The following CACNA2D1 variants were observed in gnomAD, a reference collection of about 807,000 sequenced individuals.
CACNA2D1 encodes the protein calcium voltage-gated channel auxiliary subunit alpha2delta 1, also known as voltage-dependent calcium channel subunit alpha-2/delta-1.
In CACNA2D1, 53 loss-of-function variants were observed where a neutral mutation model predicts 171.5. The observed-to-expected ratio is 0.31, with a 90% CI of 0.25 to 0.39. The LOEUF is 0.39. Ranked by LOEUF, CACNA2D1 falls within the 10% of genes least tolerant of loss-of-function variation. The pLI is 1.00. For missense variants in CACNA2D1, 903 were observed against 1,299.8 expected (o/e 0.69, Z 4.69); for synonymous variants, 442 against 443.1 (o/e 1.00, Z 0.03).
At chr7:82,267,214 A>G (rs1807979209) in intron 3 of CACNA2D1, among the ~76,000 whole-genome samples, 1 of 152,226 alleles carries the variant, frequency 6.6e-6, no homozygotes, top group African/African-American at 2.4e-5. Context: ...TTTGTGAAAA[A>G]GGCTATACTA....
chr7:82,199,866 A>G (rs1215288534), intron 3 of CACNA2D1, among the ~76,000 whole-genome samples: 1 of 152,148 alleles, frequency 6.6e-6, no homozygotes, highest in African/African-American at 2.4e-5. Context: ...TAGTATATTC[A>G]TATTATGGAC....
intron 1 of CACNA2D1, among the ~76,000 whole-genome samples, chr7:82,425,274 A>C (rs145550140): frequency 8.3e-4 from 127 of 152,262 alleles, no homozygotes; most frequent in African/African-American, 3.0e-3. Context: ...GAGGACCTTT[A>C]ATAGGGCCTC....
intron 3 of CACNA2D1, among the ~76,000 whole-genome samples, chr7:82,327,845 T>A (rs535670379): frequency 6.6e-6 from 1 of 152,312 alleles, no homozygotes; most frequent in African/African-American, 2.4e-5. Flanking sequence ...TAAGATACTT[T>A]CCTAGTTGTT....
intron 5 of CACNA2D1, among the ~76,000 whole-genome samples, chr7:82,129,324 T>G (rs1790690208): frequency 6.6e-6 from 1 of 152,226 alleles, no homozygotes; most frequent in African/African-American, 2.4e-5. Context: ...GAATGTTTCC[T>G]TCCATTAAAT....
intron 3 of CACNA2D1, among the ~76,000 whole-genome samples, chr7:82,208,828 A>C (rs1301038888): frequency 2.6e-5 from 4 of 152,132 alleles, no homozygotes; most frequent in African/African-American, 9.6e-5. Flanking sequence ...AAGAGAGTAC[A>C]TTTTGTGTTC....
chr7:82,005,707 TAA>T (rs1799050441), intron 17 of CACNA2D1, 56 bp downstream of exon 17: 1 of 1,181,226 alleles, frequency 8.5e-7, no homozygotes, highest in Admixed American at 1.7e-5. Flanking sequence ...AGTGCCAAGC[TAA>T]GTTAGTACAG....
At chr7:82,222,497 G>A (rs1323936308) in intron 3 of CACNA2D1, among the ~76,000 whole-genome samples, 1 of 152,186 alleles carries the variant, frequency 6.6e-6, no homozygotes, top group East Asian at 1.9e-4. Flanking sequence ...TTAAGACCAA[G>A]AGTATTGGGA....
intron 1 of CACNA2D1, among the ~76,000 whole-genome samples, chr7:82,407,874 T>C (rs1431074383): frequency 2.0e-5 from 3 of 152,144 alleles, no homozygotes; most frequent in African/African-American, 7.2e-5. Context: ...CTATGCCTAA[T>C]AGATATAGCC....
intron 3 of CACNA2D1, among the ~76,000 whole-genome samples, chr7:82,274,387 T>C (rs777907318): frequency 6.6e-6 from 1 of 152,198 alleles, no homozygotes; most frequent in Non-Finnish European, 1.5e-5. Flanking sequence ...AAAATTACCA[T>C]CTGGAAACTT....
chr7:82,024,863 T>C (rs1315235253), intron 12 of CACNA2D1, among the ~76,000 whole-genome samples: 1 of 151,662 alleles, frequency 6.6e-6, no homozygotes, highest in African/African-American at 2.4e-5. Flanking sequence ...TATTTGCATG[T>C]CAATATTCAG....
chr7:82,311,658 A>G (rs1278247343), intron 3 of CACNA2D1, among the ~76,000 whole-genome samples: 6 of 152,244 alleles, frequency 3.9e-5, no homozygotes, highest in African/African-American at 1.4e-4. Flanking sequence ...TTATTTATAA[A>G]TATTCTTATT....
At chr7:82,262,315 A>G (rs192606329) in intron 3 of CACNA2D1, among the ~76,000 whole-genome samples, 1 of 152,324 alleles carries the variant, frequency 6.6e-6, no homozygotes, top group East Asian at 1.9e-4. Context: ...TGGGCAACAG[A>G]GTGAGACTCT....
intron 1 of CACNA2D1, among the ~76,000 whole-genome samples, chr7:82,379,244 A>G (rs974996129): frequency 6.6e-6 from 1 of 151,998 alleles, no homozygotes; most frequent in Non-Finnish European, 1.5e-5. Context: ...GTCTGATGCA[A>G]CTCCATATCT....
intron 3 of CACNA2D1, among the ~76,000 whole-genome samples, chr7:82,189,268 T>A (rs1319017323): frequency 6.6e-6 from 1 of 152,002 alleles, no homozygotes; most frequent in Admixed American, 6.6e-5. Flanking sequence ...CTTCAAAGCA[T>A]AAGCACAGTA....
chr7:82,124,545 A>G (rs1287217531), intron 5 of CACNA2D1, among the ~76,000 whole-genome samples: 2 of 152,122 alleles, frequency 1.3e-5, no homozygotes, highest in Non-Finnish European at 1.5e-5. Context: ...TCTGCAACCA[A>G]TCAGAATGGT....
chr7:82,238,301 C>G (rs1346991021), intron 3 of CACNA2D1, among the ~76,000 whole-genome samples: 1 of 151,902 alleles, frequency 6.6e-6, no homozygotes, highest in Admixed American at 6.6e-5. Flanking sequence ...AATTTGTGAA[C>G]CAATCATCTA....
At chr7:82,054,102 G>A (rs915136832) in intron 10 of CACNA2D1, among the ~76,000 whole-genome samples, 11 of 152,128 alleles carry the variant, frequency 7.2e-5, no homozygotes, top group Non-Finnish European at 1.5e-4. Flanking sequence ...AAAACTGGCA[G>A]GCTTTAAGAA....
At chr7:82,428,616 T>C (rs1829405990) in intron 1 of CACNA2D1, among the ~76,000 whole-genome samples, 1 of 152,146 alleles carries the variant, frequency 6.6e-6, no homozygotes, top group African/African-American at 2.4e-5. Flanking sequence ...TCAGAAAAGA[T>C]GAAAGAACTA....
chr7:82,391,218 G>C (rs1158808724), intron 1 of CACNA2D1, among the ~76,000 whole-genome samples: 1 of 152,130 alleles, frequency 6.6e-6, no homozygotes, highest in African/African-American at 2.4e-5. Flanking sequence ...GGAAAAAAAA[G>C]CAAATTCAAA....
Sources: gnomAD v4.1 joint callset for allele counts (sites outside exome capture counted in the v4.1 genomes callset) on GRCh38, gnomAD v4.1.1 for gene constraint, MANE v1.5 for transcripts, NCBI Gene and HGNC (gene_info 2026-07-23, HGNC 2026-07-21) for gene names.